Variants in COL4A1 observed in about 807,000 individuals in gnomAD.
The protein encoded by COL4A1 is collagen alpha-1(IV) chain.
In COL4A1, 40 loss-of-function variants were observed where a neutral mutation model predicts 216.6. That is an observed-to-expected ratio of 0.18 (90% confidence interval 0.14 to 0.24). The LOEUF (loss-of-function observed/expected upper bound fraction) is 0.24, where lower values mean the gene tolerates loss of function less well. COL4A1 is among the 10% of genes least tolerant of loss of function. The pLI is 1.00. For missense variants in COL4A1, 1,628 were observed against 2,196.8 expected (o/e 0.74, Z 5.18); for synonymous variants, 839 against 810.7 (o/e 1.03, Z -0.59).
At position 110,192,367 on chromosome 13, in the gene COL4A1, T is replaced by C. The variant is rs767231174; in HGVS notation, c.1466-83A>G. 15 of 1,285,522 alleles carry C rather than the reference T, an allele frequency of 1.2e-5. 1 individual carries two copies. The South Asian group carries it at 1.2e-4, about 10-fold the overall frequency. The allele number at this position is 1,285,522 out of a possible 1,614,324, so 79.6% of individuals were successfully genotyped here. ...AACCTTTTCTTAAGACTCAAAAGCA[T>C]AAAAATCTGTATAGGAAGTGGATGA... On this transcript the variant is annotated intron_variant, in intron 23 of 51. Coordinates refer to ENST00000375820, the MANE Select transcript of COL4A1 (RefSeq NM_001845.6).
intron 1 of COL4A1, among the ~76,000 whole-genome samples, chr13:110,251,319 G>C (rs1246719964): frequency 6.6e-6 from 1 of 152,232 alleles, no homozygotes; most frequent in Non-Finnish European, 1.5e-5. Flanking sequence ...GCCCACGCAA[G>C]ACAGCCCCAA....
At chr13:110,210,387 C>T (rs559851507) in intron 8 of COL4A1, among the ~76,000 whole-genome samples, 175 bp from the exon 9 acceptor site, 5 of 152,232 alleles carry the variant, frequency 3.3e-5, no homozygotes, top group Admixed American at 6.5e-5. Flanking sequence ...TCATGATTGC[C>T]GTCTTAATGG....
At chr13:110,283,642 C>A (rs1415475008) in intron 1 of COL4A1, among the ~76,000 whole-genome samples, 2 of 152,150 alleles carry the variant, frequency 1.3e-5, no homozygotes, top group African/African-American at 4.8e-5. Flanking sequence ...GGCACATGCA[C>A]ACAGGCATGT....
intron 1 of COL4A1, among the ~76,000 whole-genome samples, chr13:110,283,975 G>T (rs982837330): frequency 6.6e-5 from 10 of 152,122 alleles, no homozygotes; most frequent in African/African-American, 2.4e-4. Flanking sequence ...CAGGCCAGGA[G>T]CCTTCAGCAA....
intron 21 of COL4A1, among the ~76,000 whole-genome samples, chr13:110,197,009 C>T (rs1160815192): frequency 1.3e-5 from 2 of 152,156 alleles, no homozygotes; most frequent in Non-Finnish European, 2.9e-5. Context: ...GTAAATATTA[C>T]AATGTGCTCA....
At chr13:110,186,618 T>A in intron 25 of COL4A1, 65 bp from the exon 26 acceptor site, 1 of 1,586,612 alleles carries the variant, frequency 6.3e-7, no homozygotes, top group Non-Finnish European at 8.6e-7. Context: ...CCTTATCGCA[T>A]TCTTCTGACA....
At chr13:110,289,735 C>G (rs1322164421) in intron 1 of COL4A1, among the ~76,000 whole-genome samples, 1 of 152,180 alleles carries the variant, frequency 6.6e-6, no homozygotes, top group Admixed American at 6.5e-5. Context: ...GGCTAAATAC[C>G]AACATCTCAG....
chr13:110,244,865 T>G (rs1881723033), intron 1 of COL4A1, among the ~76,000 whole-genome samples: 2 of 152,148 alleles, frequency 1.3e-5, no homozygotes, highest in African/African-American at 4.8e-5. Flanking sequence ...GGGTACTAAT[T>G]AAACAATGAC....
intron 1 of COL4A1, among the ~76,000 whole-genome samples, chr13:110,303,229 C>G (rs184771732): frequency 8.3e-4 from 127 of 152,184 alleles, no homozygotes; most frequent in Admixed American, 2.6e-4. Flanking sequence ...TTTTCTGGGT[C>G]AGTTCCTAAA....
chr13:110,183,223 C>T lies in COL4A1; in HGVS notation c.1951G>A (p.Glu651Lys). 6.2e-7 allele frequency: 1 copy of T among 1,613,878 alleles called. No homozygotes were observed. The highest frequency in any genetic ancestry group is 8.5e-7 in the Non-Finnish European group (1 of 1,179,996). The change falls in exon 27 of 52, where the codon GAA (glutamate) becomes AAA (lysine). Residue 651 changes from glutamate to lysine, a missense_variant. Glu to Lys is a moderately conservative substitution (Grantham distance 56). Around this residue, in one of 8 missense-constraint regions of COL4A1, gnomAD observed 701 missense variants for 892.5 expected, o/e 0.79. Transcript: ENST00000375820. Reference protein sequence around the residue: ...IVPLPGPPGAEGLPGSPGFPG... With the variant: ...IVPLPGPPGAKGLPGSPGFPG... ...AAGCCTGGGGACCCCGGCAGTCCTTCTGCTCCAGGGGGGCCTGGTAAAGGA... is the reference window on the plus strand; with the variant it reads ...AAGCCTGGGGACCCCGGCAGTCCTTTTGCTCCAGGGGGGCCTGGTAAAGGA...
At chr13:110,203,330 G>C (rs538390) in intron 18 of COL4A1, among the ~76,000 whole-genome samples, 1 of 152,046 alleles carries the variant, frequency 6.6e-6, no homozygotes, top group Non-Finnish European at 1.5e-5. Flanking sequence ...TAATAAACAC[G>C]AAACTCCGTA....
intron 2 of COL4A1, among the ~76,000 whole-genome samples, chr13:110,235,760 C>A (rs1181376744): frequency 6.6e-6 from 1 of 151,596 alleles, no homozygotes; most frequent in East Asian, 1.9e-4. Context: ...TACACAGATA[C>A]TAGGAATAAC....
intron 1 of COL4A1, among the ~76,000 whole-genome samples, chr13:110,271,577 C>T (rs374058207): frequency 1.2e-4 from 18 of 152,270 alleles, no homozygotes; most frequent in Non-Finnish European, 2.2e-4. Context: ...GGCCAGGACT[C>T]GCCAAGGTCA....
chr13:110,259,411 A>C (rs181650124), intron 1 of COL4A1, among the ~76,000 whole-genome samples: 2 of 152,236 alleles, frequency 1.3e-5, no homozygotes, highest in Non-Finnish European at 2.9e-5. Context: ...CTTAAAAAAA[A>C]TTTTTAAGCG....
chr13:110,193,031 T>C (rs2139180380), intron 22 of COL4A1, 118 bp from the exon 23 acceptor site: 1 of 937,226 alleles, frequency 1.1e-6, no homozygotes, highest in Non-Finnish European at 1.7e-6. Context: ...AAACTTAGGT[T>C]TGCTCAGTGG....
At chr13:110,165,286 C>G (rs552295776) in intron 45 of COL4A1, among the ~76,000 whole-genome samples, 1 of 152,278 alleles carries the variant, frequency 6.6e-6, no homozygotes, top group East Asian at 1.9e-4. Flanking sequence ...CATGCCAGCC[C>G]TCCCAGCAGG....
At chr13:110,235,578 G>A (rs1881278635) in intron 2 of COL4A1, among the ~76,000 whole-genome samples, 1 of 150,280 alleles carries the variant, frequency 6.7e-6, no homozygotes, top group African/African-American at 2.4e-5. Context: ...GTGAACCAGT[G>A]AACCCGGGAG....
intron 1 of COL4A1, among the ~76,000 whole-genome samples, chr13:110,243,202 A>G (rs1881641399): frequency 6.6e-6 from 1 of 152,238 alleles, no homozygotes; most frequent in African/African-American, 2.4e-5. Context: ...TTTGTACAGA[A>G]CAGAATAAAG....
intron 2 of COL4A1, among the ~76,000 whole-genome samples, chr13:110,220,117 T>C (rs1880403374): frequency 6.6e-6 from 1 of 152,008 alleles, no homozygotes; most frequent in African/African-American, 2.4e-5. Flanking sequence ...TTTGTATTTT[T>C]AGTAGAGACG....
Sources: gnomAD v4.1 joint callset for allele counts (sites outside exome capture counted in the v4.1 genomes callset) on GRCh38, gnomAD v4.1.1 for gene constraint, gnomAD v4.1.1 regional missense constraint, MANE v1.5 for transcripts, NCBI Gene and HGNC (gene_info 2026-07-23, HGNC 2026-07-21) for gene names.